The following DCAF12 variants were observed in gnomAD, a reference collection of about 807,000 sequenced individuals.
The protein encoded by DCAF12 is DDB1 and CUL4 associated factor 12, also known as DDB1- and CUL4-associated factor 12.
DCAF12 carries 28 observed loss-of-function variants against 52.8 expected under a neutral mutation model. The ratio of observed to expected loss-of-function variants is 0.53; its 90% CI spans 0.39 to 0.73. The LOEUF (loss-of-function observed/expected upper bound fraction) is 0.73, where lower values mean the gene tolerates loss of function less well. DCAF12 is among the 30% of genes least tolerant of loss of function. The probability of loss-of-function intolerance (pLI) is 0.00; values close to 1 mark genes in which losing one functional copy is unlikely to be tolerated. For synonymous variants in DCAF12, 196 were observed against 215.5 expected (o/e 0.91, Z 0.79); for missense variants, 425 against 552.2 (o/e 0.77, Z 2.31).
At chr9:34,089,870 A>G (rs1304497682) in intron 7 of DCAF12, 1 of 313,746 alleles carries the variant, frequency 3.2e-6, no homozygotes. Flanking sequence ...TTTTGGCCGA[A>G]GACCATAAGT....
rs1271686444 is a variant in DCAF12, at chr9:34,088,320, G to C, written c.*30C>G. 1 of 1,520,902 alleles carries C rather than the reference G, an allele frequency of 6.6e-7. No homozygotes were observed. The highest frequency in any genetic ancestry group is 1.4e-5 in the African/African-American group (1 of 71,144). The allele number at this position is 1,520,902 out of a possible 1,614,324, so 94.2% of individuals were successfully genotyped here. On this transcript the variant is annotated 3_prime_UTR_variant, in exon 9 of 9. Coordinates refer to ENST00000361264, the MANE Select transcript of DCAF12 (RefSeq NM_015397.4). ...ACAAGGAAACTGAGAATGGAAGTTA[G>C]TGTAAATCTCTGCATTTGGGGAGTT...
At chr9:34,124,348 C>T (rs1361590902) in intron 2 of DCAF12, among the ~76,000 whole-genome samples, 1 of 152,204 alleles carries the variant, frequency 6.6e-6, no homozygotes, top group Non-Finnish European at 1.5e-5. Context: ...CTATTCCAAA[C>T]GTTTCTGCTC....
intron 7 of DCAF12, among the ~76,000 whole-genome samples, chr9:34,091,346 A>G (rs1373831077): frequency 6.6e-6 from 1 of 152,000 alleles, no homozygotes; most frequent in Non-Finnish European, 1.5e-5. Context: ...ACAACAAAAA[A>G]GAAATAGCTG....
intron 2 of DCAF12, among the ~76,000 whole-genome samples, chr9:34,121,897 C>T (rs1205003620): frequency 2.0e-5 from 3 of 152,044 alleles, no homozygotes; most frequent in Non-Finnish European, 4.4e-5. Context: ...GAGCTGAGAT[C>T]GCGCCACTGC....
chr9:34,094,914 T>C (rs1390447686), intron 6 of DCAF12, among the ~76,000 whole-genome samples: 1 of 152,178 alleles, frequency 6.6e-6, no homozygotes, highest in African/African-American at 2.4e-5. Context: ...TTATGTTTCA[T>C]ATACATCTTA....
At position 34,087,149 on chromosome 9, in the gene DCAF12, T is replaced by A. The variant is rs1305855972; in HGVS notation, c.*1201A>T. ...CTGACTGCAGGCCAGCCTGTCACCA[T>A]CTCAGGGCTAAGCCAACAGAGTAGG... On this transcript the variant is annotated 3_prime_UTR_variant, in exon 9 of 9. Transcript: ENST00000361264. The A allele has an allele frequency of 6.6e-6, 1 of 152,220 alleles. No homozygotes were observed. Among genetic ancestry groups the A allele is most frequent in the Non-Finnish European group, 1.5e-5 (1 of 68,070 alleles). The allele number at this position is 152,220 out of a possible 1,614,324, so 9.4% of individuals were successfully genotyped here.
At chr9:34,098,558 C>T (rs1472720869) in intron 4 of DCAF12, 41 bp from the exon 5 acceptor site, 1 of 1,574,974 alleles carries the variant, frequency 6.3e-7, no homozygotes, top group Non-Finnish European at 8.6e-7. Flanking sequence ...TGTACCCACC[C>T]CTCTATGGGA....
intron 2 of DCAF12, among the ~76,000 whole-genome samples, chr9:34,119,386 C>T (rs781460964): frequency 5.3e-5 from 8 of 152,140 alleles, no homozygotes; most frequent in Non-Finnish European, 8.8e-5. Flanking sequence ...CCTGTTTAGT[C>T]TTCAACCACA....
intron 8 of DCAF12, 34 bp downstream of exon 8, chr9:34,089,378 G>A: frequency 1.3e-6 from 2 of 1,590,952 alleles, no homozygotes; most frequent in Non-Finnish European, 1.7e-6. Flanking sequence ...TTCTGTTACT[G>A]TGTAGCAGTC....
At chr9:34,101,086 A>T (rs1334346468) in intron 4 of DCAF12, among the ~76,000 whole-genome samples, 42 of 37,548 alleles carry the variant, frequency 1.1e-3, no homozygotes, top group Admixed American at 3.0e-3. Context: ...TTTTTTTTTT[A>T]AATGAGACAG....
Position 34,107,358 on chromosome 9 carries a change from C to G in DCAF12, c.540+1G>C, listed in dbSNP as rs150474359. ...CAACTACAACTACTGGGAAAACTTA[C>G]ATCTCCTACACACACAGGATCCAGC... is the stretch of plus-strand genomic sequence containing the variant. On this transcript the variant is annotated splice_donor_variant, in intron 3 of 8. Coordinates refer to ENST00000361264, the MANE Select transcript of DCAF12 (RefSeq NM_015397.4). LOFTEE classifies it high-confidence loss of function. 1 of 1,613,898 alleles carries G rather than the reference C, an allele frequency of 6.2e-7. No individual in the cohort carries two copies. The highest frequency in any genetic ancestry group is 1.1e-5 in the South Asian group (1 of 91,078).
At chr9:34,089,719 T>A in intron 7 of DCAF12, 129 bp from the exon 8 acceptor site, 2 of 851,212 alleles carry the variant, frequency 2.3e-6, no homozygotes, top group South Asian at 4.3e-5. Flanking sequence ...CCACAAAGTA[T>A]CAGACAGTGT....
chr9:34,098,028 C>T (rs1828764616), intron 5 of DCAF12, among the ~76,000 whole-genome samples: 1 of 151,894 alleles, frequency 6.6e-6, no homozygotes, highest in Non-Finnish European at 1.5e-5. Context: ...GAATACAGCA[C>T]CTGCAAAGGC....
intron 3 of DCAF12, 93 bp downstream of exon 3, chr9:34,107,266 C>T: frequency 7.9e-7 from 1 of 1,261,296 alleles, no homozygotes; most frequent in Non-Finnish European, 1.2e-6. Context: ...GTCCAGTCCC[C>T]ACTCTGGGCT....
At chr9:34,125,737 C>A in intron 1 of DCAF12, 1 of 326,292 alleles carries the variant, frequency 3.1e-6, no homozygotes, top group Admixed American at 3.9e-5. Flanking sequence ...AATGACCGTT[C>A]CTCTGTCATC....
At chr9:34,113,227 T>C (rs905775423) in intron 2 of DCAF12, among the ~76,000 whole-genome samples, 4 of 152,134 alleles carry the variant, frequency 2.6e-5, no homozygotes, top group African/African-American at 9.7e-5. Context: ...AATTTTTGTA[T>C]TTTTAGTAGA....
chr9:34,112,697 G>A (rs915927873), intron 2 of DCAF12, among the ~76,000 whole-genome samples: 1 of 151,614 alleles, frequency 6.6e-6, no homozygotes, highest in Non-Finnish European at 1.5e-5. Context: ...TTGGGAGTTC[G>A]AGACCAGCCT....
intron 2 of DCAF12, among the ~76,000 whole-genome samples, chr9:34,120,268 T>G (rs979558681): frequency 1.5e-5 from 2 of 136,040 alleles, no homozygotes; most frequent in African/African-American, 2.7e-5. Context: ...TAGTCCCAGC[T>G]ACTCAGGATT....
intron 6 of DCAF12, among the ~76,000 whole-genome samples, chr9:34,094,822 A>G (rs534456294): frequency 1.2e-3 from 189 of 151,342 alleles, no homozygotes; most frequent in African/African-American, 3.8e-3. Flanking sequence ...GAGCCACCGC[A>G]CCCGGCCCCG....
Sources: gnomAD v4.1 joint callset for allele counts (sites outside exome capture counted in the v4.1 genomes callset) on GRCh38, gnomAD v4.1.1 for gene constraint, MANE v1.5 for transcripts, NCBI Gene and HGNC (gene_info 2026-07-23, HGNC 2026-07-21) for gene names.